The following PRDX4 variants were observed in gnomAD, a reference collection of about 807,000 sequenced individuals.
The protein encoded by PRDX4 is peroxiredoxin 4.
PRDX4 carries 12 observed loss-of-function variants against 20.5 expected under a neutral mutation model. The observed-to-expected ratio is 0.58, with a 90% CI of 0.37 to 0.95. PRDX4 has a LOEUF of 0.95. Ranked by LOEUF, PRDX4 falls within the 40% of genes least tolerant of loss-of-function variation. PRDX4 has a pLI of 0.01. For missense variants in PRDX4, 180 were observed against 207.3 expected (o/e 0.87, Z 0.81); for synonymous variants, 99 against 87.5 (o/e 1.13, Z -0.73).
intron 2 of PRDX4, among the ~76,000 whole-genome samples, chrX:23,673,881 C>T (rs1174238894): frequency 1.8e-5 from 2 of 110,278 alleles, no homozygotes; most frequent in African/African-American, 6.6e-5. Context: ...TTGGACATGA[C>T]AGTGCTGTAC....
chrX:23,683,839 T>TG (rs1928131661), intron 6 of PRDX4, 134 bp downstream of exon 6: 1 of 403,427 alleles, frequency 2.5e-6, no homozygotes, highest in African/African-American at 2.7e-5. Context: ...GGTCAGGAGA[T>TG]GGAGACCATC....
intron 3 of PRDX4, 38 bp downstream of exon 3, chrX:23,675,144 AT>A: frequency 8.3e-7 from 1 of 1,211,499 alleles, no homozygotes; most frequent in Non-Finnish European, 1.1e-6. Flanking sequence ...AAAAAAAAGA[AT>A]GGATTTACTC....
chrX:23,670,650 AGT>A (rs1439740895), intron 1 of PRDX4, among the ~76,000 whole-genome samples: 1 of 112,233 alleles, frequency 8.9e-6, no homozygotes, highest in African/African-American at 3.2e-5. Context: ...TTAGTATCTA[AGT>A]GTGTTGGCTA....
intron 1 of PRDX4, among the ~76,000 whole-genome samples, chrX:23,670,938 T>C (rs1927830303): frequency 8.9e-6 from 1 of 112,026 alleles, no homozygotes; most frequent in East Asian, 2.8e-4. Context: ...TTATTTGAAA[T>C]GTAGGAAGTT....
intron 2 of PRDX4, 37 bp downstream of exon 2, chrX:23,671,683 T>A (rs769275953): frequency 1.0e-6 from 1 of 993,645 alleles, no homozygotes; most frequent in African/African-American, 1.9e-5. Context: ...AAAATCTCAG[T>A]CTTTATCAAT....
chrX:23,675,988 C>T (rs779169123), intron 3 of PRDX4, among the ~76,000 whole-genome samples: 8 of 109,301 alleles, frequency 7.3e-5, no homozygotes, highest in African/African-American at 2.0e-4. Flanking sequence ...ATTAGCCAGG[C>T]GTGGTAGCAG....
At chrX:23,677,722 A>T (rs1270589548) in intron 3 of PRDX4, among the ~76,000 whole-genome samples, 1 of 111,619 alleles carries the variant, frequency 9.0e-6, no homozygotes, top group Non-Finnish European at 1.9e-5. Context: ...GTATCTTTTG[A>T]TCTATCAGTT....
chrX:23,675,648 A>G (rs1262178660), intron 3 of PRDX4, among the ~76,000 whole-genome samples: 2 of 112,551 alleles, frequency 1.8e-5, no homozygotes, highest in Non-Finnish European at 3.7e-5. Flanking sequence ...TGGTTGGCCA[A>G]GATTTAAAAG....
rs763786113 is a variant in PRDX4, at chrX:23,671,634, A to G, written c.347A>G (p.Tyr116Cys). 4 of 1,181,562 alleles carry G rather than the reference A, an allele frequency of 3.4e-6. No homozygotes were observed. The highest frequency in any genetic ancestry group is 4.6e-6 in the Non-Finnish European group (4 of 874,492). ...YRGKYLVFFFYPLDFTFVCPT... is the reference protein window; with the variant it reads ...YRGKYLVFFFCPLDFTFVCPT... The stretch of plus-strand genomic sequence containing the variant: ...GGGAAATACTTGGTTTTCTTCTTCT[A>G]CCCACTTGATTTGTAAGTAATACAT... Residue 116 changes from tyrosine (Y) to cysteine (C), a missense_variant, in exon 2 of 7, where the codon TAC becomes TGC. This residue lies in a region of PRDX4 where 105 missense variants were observed against 114.2 expected (regional missense o/e 0.92). Transcript: ENST00000379341.
At chrX:23,670,411 A>G (rs183350310) in intron 1 of PRDX4, among the ~76,000 whole-genome samples, 1 of 111,717 alleles carries the variant, frequency 9.0e-6, no homozygotes, top group Admixed American at 9.5e-5. Flanking sequence ...ATGAGGTAGG[A>G]TGCTGGCTCA....
rs1402730905 is a variant in PRDX4 at position 23,682,841 on chromosome X, AAAAAAAAAAAAAATATATATAT to A, written c.730+317_730+338del. Among the ~76,000 whole-genome samples the A allele has an allele frequency of 6.4e-5, 3 of 46,990 alleles. No homozygotes were observed. The East Asian group carries it at 2.2e-3, about 35-fold the overall frequency. 40.8% of individuals were successfully genotyped at this position (46,990 alleles called of 115,157 possible). ...ACTAAAAATCAAAAAAAAAAAAAAAAAAAAAAAAAAAAATATATATATATATATATATATATAAACTAATATA... is the reference window on the plus strand; with the variant it reads ...ACTAAAAATCAAAAAAAAAAAAAAAAATATATATATATATAAACTAATATA... On this transcript the variant is annotated intron_variant, in intron 5 of 6. Transcript: ENST00000379341.
In PRDX4 at chrX:23,667,537, G is replaced by A; in HGVS notation, c.-34G>A. On this transcript the variant is annotated 5_prime_UTR_variant, in exon 1 of 7. Coordinates refer to ENST00000379341, the MANE Select transcript of PRDX4 (RefSeq NM_006406.2). ...CCCGGCGGCGGCAGAAGCGGCGCTCGCGCCAAGGGACGTGTTTCTGCGCTC... is the reference window on the plus strand; with the variant it reads ...CCCGGCGGCGGCAGAAGCGGCGCTCACGCCAAGGGACGTGTTTCTGCGCTC... The A allele has an allele frequency of 8.7e-7, 1 of 1,144,229 alleles. No individual in the cohort carries two copies. Among genetic ancestry groups the A allele is most frequent in the Non-Finnish European group, 1.2e-6 (1 of 863,449 alleles). 94.3% of individuals were successfully genotyped at this position (1,144,229 alleles called of 1,213,427 possible). A position where few individuals can be genotyped will look rare whatever the true frequency, so the allele number is the denominator to read the frequency against.
chrX:23,682,853 A>AAATATATATAT (rs1555933130), intron 5 of PRDX4, among the ~76,000 whole-genome samples: 1 of 14,876 alleles, frequency 6.7e-5, no homozygotes. Context: ...AAAAAAAAAA[A>AAATATATATAT]ATATATATAT....
At chrX:23,674,534 C>T (rs1927906622) in intron 2 of PRDX4, among the ~76,000 whole-genome samples, 1 of 109,450 alleles carries the variant, frequency 9.1e-6, no homozygotes, top group Non-Finnish European at 1.9e-5. Context: ...TACTGGAAAA[C>T]ATTGCCTCCT....
chrX:23,681,354 C>T (rs773761661), intron 4 of PRDX4, among the ~76,000 whole-genome samples: 1 of 112,643 alleles, frequency 8.9e-6, no homozygotes, highest in Non-Finnish European at 1.9e-5. Context: ...CATTAGCAGT[C>T]ACTCCATGTT....
At chrX:23,676,275 T>A (rs1337226402) in intron 3 of PRDX4, among the ~76,000 whole-genome samples, 2 of 111,422 alleles carry the variant, frequency 1.8e-5, no homozygotes, top group African/African-American at 6.5e-5. Flanking sequence ...CAAATTTTCA[T>A]TGCTTGGTGA....
chrX:23,675,348 G>A, intron 3 of PRDX4: 1 of 573,061 alleles, frequency 1.7e-6, no homozygotes. Context: ...CAAAATAAGG[G>A]GAAAAGTTAA....
At chrX:23,676,220 A>C (rs1331032815) in intron 3 of PRDX4, among the ~76,000 whole-genome samples, 2 of 110,031 alleles carry the variant, frequency 1.8e-5, no homozygotes, top group African/African-American at 6.6e-5. Flanking sequence ...AAAGTTACAA[A>C]TTTGAAACAC....
At chrX:23,686,018 C>A in intron 6 of PRDX4, 1 of 425,772 alleles carries the variant, frequency 2.3e-6, no homozygotes, top group South Asian at 2.6e-5. Context: ...CCTGAAGATA[C>A]CATGAAAGCC....
Sources: gnomAD v4.1 joint callset for allele counts (sites outside exome capture counted in the v4.1 genomes callset) on GRCh38, gnomAD v4.1.1 for gene constraint, gnomAD v4.1.1 regional missense constraint, MANE v1.5 for transcripts, NCBI Gene and HGNC (gene_info 2026-07-23, HGNC 2026-07-21) for gene names.